MEGF11: variants seen among roughly 807,000 people sequenced by gnomAD.
MEGF11 encodes the protein multiple EGF like domains 11.
A neutral mutation model predicts 146.6 loss-of-function variants in MEGF11; 126 were observed. The observed-to-expected ratio is 0.86, with a 90% CI of 0.74 to 1.00. The LOEUF (loss-of-function observed/expected upper bound fraction) is 1.00. Ranked by LOEUF, MEGF11 falls within the 50% of genes least tolerant of loss-of-function variation. The probability of loss-of-function intolerance (pLI) is 0.00; values close to 1 mark genes in which losing one functional copy is unlikely to be tolerated. For missense variants in MEGF11, 1,509 were observed against 1,521.2 expected (o/e 0.99, Z 0.13); for synonymous variants, 532 against 583.4 (o/e 0.91, Z 1.27).
At chr15:66,175,912 A>T (rs115063665) in intron 1 of MEGF11, among the ~76,000 whole-genome samples, 2,457 of 152,332 alleles carry the variant, frequency 0.016, 62 homozygotes, top group African/African-American at 0.055. Context: ...TTTGCAAAAT[A>T]TTCATGGGAC....
chr15:66,024,199 C>T (rs575190380), intron 5 of MEGF11, among the ~76,000 whole-genome samples: 2 of 152,376 alleles, frequency 1.3e-5, no homozygotes, highest in South Asian at 2.1e-4. Flanking sequence ...TTAAAAGCCA[C>T]AAAGGCCTCC....
chr15:66,139,408 A>C (rs2089040888), intron 1 of MEGF11, among the ~76,000 whole-genome samples: 1 of 152,222 alleles, frequency 6.6e-6, no homozygotes, highest in Admixed American at 6.5e-5. Context: ...GAAATTGTTC[A>C]TTAAGGATAA....
chr15:66,087,634 C>T lies in MEGF11; in HGVS notation c.394+6768G>A, dbSNP rs75738423. ...AAAATTCTTCGAATGACAATAATGA[C>T]ACAACCTATCAAAACCTCTGGGATA... On this transcript the variant is annotated intron_variant, in intron 5 of 25. Coordinates refer to ENST00000395614, the MANE Select transcript of MEGF11 (RefSeq NM_001385028.1). 2.4e-3 allele frequency among the ~76,000 whole-genome samples: 361 copies of T among 152,254 alleles called. 3 individuals carry two copies. Among genetic ancestry groups the T allele is most frequent in the African/African-American group, 8.1e-3 (338 of 41,550 alleles).
At chr15:65,997,529 T>C (rs1179067498) in intron 5 of MEGF11, among the ~76,000 whole-genome samples, 1 of 152,172 alleles carries the variant, frequency 6.6e-6, no homozygotes, top group Non-Finnish European at 1.5e-5. Flanking sequence ...CCAAGCTCTC[T>C]CCCCCATCCT....
chr15:66,113,155 C>T (rs773488317), intron 4 of MEGF11, among the ~76,000 whole-genome samples: 1 of 152,130 alleles, frequency 6.6e-6, no homozygotes, highest in Admixed American at 6.5e-5. Flanking sequence ...AGAGTCCACC[C>T]GTGAGGCCAG....
At chr15:65,944,432 G>T (rs559467517) in intron 10 of MEGF11, among the ~76,000 whole-genome samples, 2 of 152,312 alleles carry the variant, frequency 1.3e-5, no homozygotes, top group East Asian at 3.9e-4. Flanking sequence ...ACAAAGGCGT[G>T]GCAGTGGGGC....
chr15:66,058,386 C>A (rs1474697242), intron 5 of MEGF11, among the ~76,000 whole-genome samples: 1 of 152,196 alleles, frequency 6.6e-6, no homozygotes, highest in African/African-American at 2.4e-5. Context: ...AAGCTGTTTT[C>A]TTTCCACCCC....
chr15:66,126,333 C>T (rs2088344935), intron 2 of MEGF11, among the ~76,000 whole-genome samples: 1 of 152,180 alleles, frequency 6.6e-6, no homozygotes, highest in African/African-American at 2.4e-5. Flanking sequence ...AGCCTTCCCC[C>T]TTGGGGCCGG....
chr15:66,119,331 T>A, intron 3 of MEGF11, 145 bp from the exon 4 acceptor site: 1 of 637,872 alleles, frequency 1.6e-6, no homozygotes, highest in Non-Finnish European at 2.7e-6. Flanking sequence ...AGGAACACAA[T>A]AAAAAAATCA....
At chr15:66,053,542 G>T (rs2084537861) in intron 5 of MEGF11, among the ~76,000 whole-genome samples, 1 of 151,686 alleles carries the variant, frequency 6.6e-6, no homozygotes, top group South Asian at 2.1e-4. Context: ...CCCTTACATT[G>T]CTGGTAATCA....
chr15:66,079,610 C>T (rs775616680), intron 5 of MEGF11, among the ~76,000 whole-genome samples: 3 of 149,898 alleles, frequency 2.0e-5, no homozygotes, highest in Non-Finnish European at 4.4e-5. Flanking sequence ...CCAGACAGGC[C>T]GACGGCTCAG....
intron 1 of MEGF11, among the ~76,000 whole-genome samples, chr15:66,212,969 C>A (rs1229390067): frequency 6.6e-6 from 1 of 152,206 alleles, no homozygotes. Flanking sequence ...CATGCCCCGC[C>A]CAGGCTTCCA....
intron 5 of MEGF11, among the ~76,000 whole-genome samples, chr15:66,067,543 G>A (rs1264503859): frequency 6.6e-6 from 1 of 152,168 alleles, no homozygotes; most frequent in Non-Finnish European, 1.5e-5. Flanking sequence ...TTCTTTCCCG[G>A]CAGCATCCTA....
chr15:66,075,484 G>C (rs2085537532), intron 5 of MEGF11, among the ~76,000 whole-genome samples: 1 of 148,294 alleles, frequency 6.7e-6, no homozygotes, highest in African/African-American at 2.6e-5. Flanking sequence ...TTCAACTCAT[G>C]TCCAGTGTTC....
chr15:66,125,970 G>A lies in MEGF11; in HGVS notation c.99-1970C>T, dbSNP rs183933445. Among the ~76,000 whole-genome samples the A allele has an allele frequency of 3.3e-5, 5 of 152,330 alleles. No homozygotes were observed. The East Asian group carries it at 9.6e-4, about 29-fold the overall frequency. On this transcript the variant is annotated intron_variant, in intron 2 of 25. Coordinates refer to ENST00000395614, the MANE Select transcript of MEGF11 (RefSeq NM_001385028.1). ...CGAACGAGTCTGGCAACCAGGCCTCGTACCAACTCCAAGTTCTCTGACCCG... is the reference window on the plus strand; with the variant it reads ...CGAACGAGTCTGGCAACCAGGCCTCATACCAACTCCAAGTTCTCTGACCCG...
At chr15:66,053,882 C>T (rs2084566046) in intron 5 of MEGF11, among the ~76,000 whole-genome samples, 1 of 151,890 alleles carries the variant, frequency 6.6e-6, no homozygotes, top group Non-Finnish European at 1.5e-5. Flanking sequence ...GCATGCACCA[C>T]CATGCCTGGC....
chr15:65,928,507 G>GTTCA lies in MEGF11; in HGVS notation c.1589_1592dup (p.Cys532GlufsTer4). On this transcript the variant is annotated frameshift_variant, in exon 13 of 26. Transcript: ENST00000395614. LOFTEE classifies it high-confidence loss of function. ...GGCTGCAGTCACAGTGTTCACTGCA[G>GTTCA]TTCAGCCCAAATGTGCCATCCTGTG... 1 of 1,603,580 alleles carries GTTCA rather than the reference G, an allele frequency of 6.2e-7. No individual in the cohort carries two copies. The highest frequency in any genetic ancestry group is 8.5e-7 in the Non-Finnish European group (1 of 1,173,666).
chr15:66,204,828 T>C (rs1011536221), intron 1 of MEGF11, among the ~76,000 whole-genome samples: 1 of 152,144 alleles, frequency 6.6e-6, no homozygotes, highest in African/African-American at 2.4e-5. Context: ...AGCATATTTT[T>C]CCCTATTCCT....
chr15:66,052,917 G>A (rs974875682), intron 5 of MEGF11, among the ~76,000 whole-genome samples: 2 of 152,198 alleles, frequency 1.3e-5, no homozygotes, highest in African/African-American at 2.4e-5. Context: ...TAATGCCCAG[G>A]TGCTTCTAAT....
Sources: allele counts gnomAD v4.1 joint callset (sites outside exome capture counted in the v4.1 genomes callset), GRCh38; gene constraint gnomAD v4.1.1; transcripts MANE v1.5; gene names NCBI Gene and HGNC (gene_info 2026-07-23, HGNC 2026-07-21).